GNPTAB: variants seen among roughly 807,000 people sequenced by gnomAD.
GNPTAB encodes the protein N-acetylglucosamine-1-phosphate transferase subunits alpha and beta.
A neutral mutation model predicts 136.6 loss-of-function variants in GNPTAB; 92 were observed. The observed-to-expected ratio is 0.67, with a 90% CI of 0.57 to 0.80. The LOEUF (loss-of-function observed/expected upper bound fraction) is 0.80, where lower values mean the gene tolerates loss of function less well. Among genes scored for constraint, GNPTAB ranks in the 30% least tolerant of loss-of-function variants. The pLI, the probability that GNPTAB is intolerant of heterozygous loss-of-function variation, is 0.00. For synonymous variants in GNPTAB, 512 were observed against 535.1 expected, an observed-to-expected ratio of 0.96 and a Z score of 0.60; for missense variants, 1,343 against 1,501.8, an observed-to-expected ratio of 0.89 and a Z score of 1.75.
chr12:101,780,665 C>T (rs1487568626), intron 5 of GNPTAB, 44 bp from the exon 6 acceptor site: 3 of 1,209,884 alleles, frequency 2.5e-6, no homozygotes, highest in Middle Eastern at 1.9e-4. Flanking sequence ...TTAATGAATA[C>T]TCAACTATGG....
chr12:101,829,901 C>T (rs756530481), intron 1 of GNPTAB, among the ~76,000 whole-genome samples: 4 of 150,310 alleles, frequency 2.7e-5, no homozygotes, highest in African/African-American at 4.9e-5. Context: ...CCTTCTCTTA[C>T]GGAGCTTACA....
At chr12:101,823,532 C>G (rs1594263942) in intron 1 of GNPTAB, among the ~76,000 whole-genome samples, 1 of 150,018 alleles carries the variant, frequency 6.7e-6, no homozygotes, top group Non-Finnish European at 1.5e-5. Context: ...ATCGCTTGAA[C>G]CCAGGAGGTG....
chr12:101,812,367 A>T (rs572756521), intron 1 of GNPTAB, among the ~76,000 whole-genome samples: 1 of 152,350 alleles, frequency 6.6e-6, no homozygotes, highest in South Asian at 2.1e-4. Flanking sequence ...CTCTTCTCCA[A>T]CACGGAGGAT....
intron 19 of GNPTAB, among the ~76,000 whole-genome samples, chr12:101,749,532 T>G (rs1811338): frequency 0.44 from 67,147 of 152,092 alleles, 15,078 homozygotes; most frequent in African/African-American, 0.52. Flanking sequence ...ACTTCCTGCG[T>G]ATATGGAGAG....
At chr12:101,777,794 G>A (rs1953281143) in intron 7 of GNPTAB, among the ~76,000 whole-genome samples, 2 of 152,140 alleles carry the variant, frequency 1.3e-5, no homozygotes, top group African/African-American at 4.8e-5. Flanking sequence ...CTCGAGGCCT[G>A]GACTCAAATG....
intron 16 of GNPTAB, 121 bp from the exon 17 acceptor site, chr12:101,757,778 C>T (rs180801158): frequency 7.1e-6 from 5 of 705,016 alleles, no homozygotes; most frequent in Non-Finnish European, 1.3e-5. Flanking sequence ...AGAAAAACAC[C>T]AACTGTGACT....
Position 101,770,209 on chromosome 12 carries a change from C to T in GNPTAB, c.1114-18G>A, listed in dbSNP as rs1594218957. ...AAAACATCCTTTTAACAACAACAAA[C>T]AAAAAAAGAGAGTGAATGAGAGCTG... is the stretch of plus-strand genomic sequence containing the variant. On this transcript the variant is annotated intron_variant, in intron 9 of 20. Transcript: ENST00000299314. 1 of 1,611,910 alleles carries T rather than the reference C, an allele frequency of 6.2e-7. No homozygotes were observed. The highest frequency in any genetic ancestry group is 8.5e-7 in the Non-Finnish European group (1 of 1,179,044).
At chr12:101,772,401 T>C (rs1434823081) in intron 7 of GNPTAB, among the ~76,000 whole-genome samples, 1 of 152,270 alleles carries the variant, frequency 6.6e-6, no homozygotes, top group East Asian at 1.9e-4. Context: ...AGCAGTTTCC[T>C]GAGCGTATGT....
At chr12:101,825,554 T>C (rs895859916) in intron 1 of GNPTAB, among the ~76,000 whole-genome samples, 8 of 152,320 alleles carry the variant, frequency 5.3e-5, no homozygotes, top group African/African-American at 1.9e-4. Context: ...CACTTTCTAG[T>C]GGCTAAGAAT....
In GNPTAB at chr12:101,770,939, C is replaced by T. The variant is rs1175076811; in HGVS notation, c.933+57G>A. 6.6e-6 allele frequency: 10 copies of T among 1,511,300 alleles called. No individual in the cohort carries two copies. In the African/African-American group the frequency reaches 6.9e-5, roughly 10 times the overall value. The allele number at this position is 1,511,300 out of a possible 1,614,324, so 93.6% of individuals were successfully genotyped here. A position where few individuals can be genotyped will look rare whatever the true frequency, so the allele number is the denominator to read the frequency against. On this transcript the variant is annotated intron_variant, in intron 8 of 20. Coordinates refer to ENST00000299314, the MANE Select transcript of GNPTAB (RefSeq NM_024312.5). ...CCCTCTTCTAATATAGTAACTTACA[C>T]ATTTTTAACATCTTAACCTTTGATT...
At chr12:101,768,204 G>C in intron 10 of GNPTAB, 44 bp from the exon 11 acceptor site, 1 of 1,602,770 alleles carries the variant, frequency 6.2e-7, no homozygotes, top group Admixed American at 1.7e-5. Context: ...TCTGGCTTCT[G>C]ATACATTTTA....
intron 3 of GNPTAB, 58 bp downstream of exon 3, chr12:101,789,880 C>T (rs1273851282): frequency 2.0e-6 from 3 of 1,506,096 alleles, no homozygotes; most frequent in Non-Finnish European, 2.8e-6. Context: ...GTGCCACCCT[C>T]AGACCTTATT....
chr12:101,802,929 A>G (rs1025620339), intron 1 of GNPTAB, among the ~76,000 whole-genome samples: 1 of 152,222 alleles, frequency 6.6e-6, no homozygotes, highest in Non-Finnish European at 1.5e-5. Context: ...ACTCCCGGAC[A>G]TAACACCATG....
chr12:101,789,003 A>C (rs1042936555), intron 3 of GNPTAB, among the ~76,000 whole-genome samples: 1 of 152,236 alleles, frequency 6.6e-6, no homozygotes, highest in Non-Finnish European at 1.5e-5. Context: ...CTAATTCCAT[A>C]GTCTGTAATT....
intron 7 of GNPTAB, 126 bp from the exon 8 acceptor site, chr12:101,771,283 C>T (rs376420952): frequency 6.8e-5 from 58 of 855,342 alleles, no homozygotes; most frequent in African/African-American, 2.3e-4. Flanking sequence ...CTCGCTCTGT[C>T]GCCAGGCTGG....
At chr12:101,759,837 T>A (rs1384413870) in intron 16 of GNPTAB, among the ~76,000 whole-genome samples, 193 bp downstream of exon 16, 1 of 152,194 alleles carries the variant, frequency 6.6e-6, no homozygotes, top group African/African-American at 2.4e-5. Flanking sequence ...AAATTACGCA[T>A]CTATGGGGTG....
At chr12:101,776,843 A>G (rs1172772707) in intron 7 of GNPTAB, among the ~76,000 whole-genome samples, 1 of 152,230 alleles carries the variant, frequency 6.6e-6, no homozygotes, top group African/African-American at 2.4e-5. Flanking sequence ...GGCAGAGCTG[A>G]GCTGAGCCCT....
At chr12:101,817,653 A>C (rs1374770793) in intron 1 of GNPTAB, among the ~76,000 whole-genome samples, 1 of 152,162 alleles carries the variant, frequency 6.6e-6, no homozygotes, top group East Asian at 1.9e-4. Context: ...TAATAATTAA[A>C]AATTAAAGTA....
chr12:101,804,737 A>G (rs1395444486), intron 1 of GNPTAB, among the ~76,000 whole-genome samples: 1 of 152,244 alleles, frequency 6.6e-6, no homozygotes, highest in African/African-American at 2.4e-5. Context: ...CACGGCACTA[A>G]GTTTGTTTAG....
Sources: gnomAD v4.1 joint callset for allele counts (sites outside exome capture counted in the v4.1 genomes callset) on GRCh38, gnomAD v4.1.1 for gene constraint, MANE v1.5 for transcripts, NCBI Gene and HGNC (gene_info 2026-07-23, HGNC 2026-07-21) for gene names.